Variants in RELN observed in about 807,000 individuals in gnomAD.
RELN encodes the protein reelin.
RELN carries 108 observed loss-of-function variants against 427.6 expected under a neutral mutation model. The ratio of observed to expected loss-of-function variants is 0.25; its 90% CI spans 0.22 to 0.30. The LOEUF is 0.30. Ranked by LOEUF, RELN falls within the 10% of genes least tolerant of loss-of-function variation. The pLI is 1.00. For synonymous variants in RELN, 1,524 were observed against 1,513.4 expected, an observed-to-expected ratio of 1.01 and a Z score of -0.16; for missense variants, 3,715 against 4,302.8, an observed-to-expected ratio of 0.86 and a Z score of 3.82.
At chr7:103,869,832 C>T (rs982985373) in intron 2 of RELN, among the ~76,000 whole-genome samples, 1 of 152,122 alleles carries the variant, frequency 6.6e-6, no homozygotes, top group Non-Finnish European at 1.5e-5. Context: ...TTTCAAATAT[C>T]TGTATATCCA....
At chr7:103,742,702 G>A (rs1203489524) in intron 6 of RELN, among the ~76,000 whole-genome samples, 1 of 152,180 alleles carries the variant, frequency 6.6e-6, no homozygotes, top group Non-Finnish European at 1.5e-5. Context: ...GAAGCGAGAA[G>A]AGAAGTTTAG....
Position 103,636,449 on chromosome 7 carries a change from C to G in RELN, c.2089G>C (p.Gly697Arg). ...HGCKCDPGFS[G>R]PACEMASQTF... ...TGGGATGCCATCTCACAAGCTGGGC[C>G]AGAAAATCCAGGGTCACACCTGAAA... Residue 697 changes from glycine (G) to arginine (R), a missense_variant, in exon 18 of 65, where the codon GGC (glycine) becomes CGC (arginine). Transcript: ENST00000428762. 1 of 1,612,464 alleles carries G rather than the reference C, an allele frequency of 6.2e-7. No individual in the cohort carries two copies. Among genetic ancestry groups the G allele is most frequent in the Non-Finnish European group, 8.5e-7 (1 of 1,178,710 alleles).
chr7:103,678,156 ATTT>A (rs60770395), intron 11 of RELN, among the ~76,000 whole-genome samples: 29,472 of 152,006 alleles, frequency 0.19, 2,851 homozygotes, highest in Middle Eastern at 0.34. Flanking sequence ...AGTAAAACAG[ATTT>A]TTTTAAAAAA....
intron 4 of RELN, among the ~76,000 whole-genome samples, chr7:103,754,263 A>ACC (rs756916086): frequency 6.6e-6 from 1 of 152,168 alleles, no homozygotes; most frequent in Non-Finnish European, 1.5e-5. Flanking sequence ...GTGTTAATAA[A>ACC]ATACACTATT....
intron 47 of RELN, 53 bp from the exon 48 acceptor site, chr7:103,522,252 A>G: frequency 2.5e-6 from 4 of 1,572,848 alleles, no homozygotes; most frequent in Non-Finnish European, 3.5e-6. Context: ...AGCCCCTGCA[A>G]GCTTGTTCTC....
intron 1 of RELN, among the ~76,000 whole-genome samples, chr7:103,926,134 C>G (rs1795730329): frequency 8.8e-6 from 1 of 113,574 alleles, no homozygotes; most frequent in Admixed American, 1.1e-4. Context: ...TGGAGTCTCA[C>G]TCTGTCTCCA....
At chr7:103,919,723 A>G (rs950807265) in intron 1 of RELN, among the ~76,000 whole-genome samples, 3 of 152,098 alleles carry the variant, frequency 2.0e-5, no homozygotes, top group African/African-American at 7.2e-5. Flanking sequence ...TTCAAGCACT[A>G]TTTTAGCCTC....
intron 1 of RELN, among the ~76,000 whole-genome samples, chr7:103,927,327 C>T (rs532186638): frequency 3.9e-5 from 6 of 152,230 alleles, no homozygotes; most frequent in African/African-American, 1.2e-4. Context: ...CTCTCTATTC[C>T]ACATTTCAAA....
At chr7:103,708,575 T>G (rs1789703578) in intron 8 of RELN, among the ~76,000 whole-genome samples, 2 of 150,694 alleles carry the variant, frequency 1.3e-5, no homozygotes, top group South Asian at 4.2e-4. Context: ...GCCATTCTCC[T>G]GCCTCAGCCT....
Position 103,838,070 on chromosome 7 carries a change from G to A in RELN, c.338-4398C>T, listed in dbSNP as rs112109100. Among the ~76,000 whole-genome samples, 1,274 of 151,964 alleles carry A rather than the reference G, an allele frequency of 8.4e-3. 15 individuals are homozygous for A. Among genetic ancestry groups the A allele is most frequent in the African/African-American group, 0.029 (1,183 of 41,434 alleles). On this transcript the variant is annotated intron_variant, in intron 2 of 64. Coordinates refer to ENST00000428762, the MANE Select transcript of RELN (RefSeq NM_005045.4). The stretch of plus-strand genomic sequence containing the variant: ...AAAATACAAAAAAAATTAGCTGGGT[G>A]TGGTGGTGGGCGCCTGTAGTCCCAG...
intron 46 of RELN, among the ~76,000 whole-genome samples, chr7:103,531,775 A>G (rs1012517908): frequency 6.6e-5 from 10 of 152,180 alleles, no homozygotes; most frequent in African/African-American, 2.4e-4. Flanking sequence ...AGTAAAAAAA[A>G]CAAAACAAAA....
rs146835733 is a variant in RELN at position 103,535,375 on chromosome 7, C to T, written c.7290G>A (p.Leu2430=). 153 of 1,613,902 alleles carry T rather than the reference C, an allele frequency of 9.5e-5. No homozygotes were observed. Among genetic ancestry groups the T allele is most frequent in the Non-Finnish European group, 1.3e-4 (151 of 1,179,984 alleles). Residue 2430 remains leucine (L), a synonymous_variant, in exon 46 of 65, where the codon CTG becomes CTA. Transcript: ENST00000428762. Reference sequence around the variant, plus strand: ...TCCACTTGTTGAAAGTGTCTGACACCAGGATCCGTTGCAGATGATAGCGAC... The same window carrying T: ...TCCACTTGTTGAAAGTGTCTGACACTAGGATCCGTTGCAGATGATAGCGAC... ...ECSRYHLQRI[L]VSDTFNKWTR... is the part of the protein sequence containing the mutation.
At chr7:103,582,661 T>C (rs1584316517) in intron 28 of RELN, among the ~76,000 whole-genome samples, 1 of 152,002 alleles carries the variant, frequency 6.6e-6, no homozygotes, top group African/African-American at 2.4e-5. Context: ...CACATCTAAG[T>C]AACAAGGAGG....
intron 12 of RELN, among the ~76,000 whole-genome samples, chr7:103,659,927 T>C (rs1345288782): frequency 1.3e-5 from 2 of 152,136 alleles, no homozygotes; most frequent in Non-Finnish European, 2.9e-5. Context: ...TTTAATTGAA[T>C]GAAGAGGCTT....
Position 103,953,898 on chromosome 7 carries a change from T to C in RELN, c.226+35233A>G, listed in dbSNP as rs550657554. 6.6e-6 allele frequency among the ~76,000 whole-genome samples: 1 copy of C among 151,738 alleles called. No individual in the cohort carries two copies. Among genetic ancestry groups the C allele is most frequent in the Non-Finnish European group, 1.5e-5 (1 of 67,914 alleles). On this transcript the variant is annotated intron_variant, in intron 1 of 64. Coordinates refer to ENST00000428762, the MANE Select transcript of RELN (RefSeq NM_005045.4). The surrounding 1 kb of genome is among the most constrained non-coding windows in gnomAD (Gnocchi z 4.3). ...AATGAGTCAAGACCGTGCCACTACA[T>C]GCCAGGCTGTGCGGCAGAGCAAGAC...
intron 2 of RELN, among the ~76,000 whole-genome samples, chr7:103,904,637 T>C (rs1372993073): frequency 2.0e-5 from 3 of 152,182 alleles, no homozygotes; most frequent in African/African-American, 7.2e-5. Flanking sequence ...ATGAGTCTCA[T>C]GTGGAATGTG....
At chr7:103,804,907 G>A (rs1179122909) in intron 3 of RELN, among the ~76,000 whole-genome samples, 2 of 152,106 alleles carry the variant, frequency 1.3e-5, no homozygotes, top group East Asian at 1.9e-4. Flanking sequence ...ATGTGGGGAA[G>A]TAAACAAATT....
At chr7:103,815,941 T>G (rs1178257198) in intron 3 of RELN, among the ~76,000 whole-genome samples, 1 of 152,218 alleles carries the variant, frequency 6.6e-6, no homozygotes, top group African/African-American at 2.4e-5. Flanking sequence ...ATTTTTTAAG[T>G]TCAATCATGT....
chr7:103,772,680 T>C lies in RELN; in HGVS notation c.544+3877A>G, dbSNP rs577173379. Among the ~76,000 whole-genome samples the C allele has an allele frequency of 2.0e-4, 30 of 152,244 alleles. No individual in the cohort carries two copies. The East Asian group carries it at 5.4e-3, about 27-fold the overall frequency. ...GACAGAACAAAAGGATGTAAAAGGA[T>C]AGCCCAGGCAAAGAAAACTTGGAGA... On this transcript the variant is annotated intron_variant, in intron 4 of 64. Transcript: ENST00000428762.
Sources: allele counts gnomAD v4.1 joint callset (sites outside exome capture counted in the v4.1 genomes callset), GRCh38; gene constraint gnomAD v4.1.1; non-coding constraint Gnocchi (gnomAD v3.1); transcripts MANE v1.5; gene names NCBI Gene and HGNC (gene_info 2026-07-23, HGNC 2026-07-21).